The following EHBP1 variants were observed in gnomAD, a reference collection of about 807,000 sequenced individuals.
EHBP1 encodes the protein EH domain-binding protein 1.
Under a neutral mutation model 144.0 loss-of-function variants are expected in EHBP1, and 55 were observed. The ratio of observed to expected loss-of-function variants is 0.38; its 90% CI spans 0.31 to 0.48. The LOEUF is 0.48. EHBP1 is among the 20% of genes least tolerant of loss of function. The pLI, the probability that EHBP1 is intolerant of heterozygous loss-of-function variation, is 0.98. For synonymous variants in EHBP1, 469 were observed against 472.7 expected (o/e 0.99, Z 0.10); for missense variants, 1,200 against 1,364.2 (o/e 0.88, Z 1.90).
At chr2:62,955,865 G>C (rs1219606019) in intron 14 of EHBP1, 1 of 419,498 alleles carries the variant, frequency 2.4e-6, no homozygotes, top group Non-Finnish European at 4.1e-6. Context: ...TTAGTGATGA[G>C]GAAAAGTAAG....
chr2:62,686,885 C>G (rs761702475), intron 1 of EHBP1, among the ~76,000 whole-genome samples: 7 of 152,188 alleles, frequency 4.6e-5, no homozygotes, highest in Non-Finnish European at 1.0e-4. Flanking sequence ...TTGTCAAGCA[C>G]TTACTATGTA....
intron 3 of EHBP1, among the ~76,000 whole-genome samples, chr2:62,758,494 C>CT (rs2040492368): frequency 6.6e-6 from 1 of 152,058 alleles, no homozygotes; most frequent in African/African-American, 2.4e-5. Context: ...TAAGTCATGG[C>CT]TTTTATAACA....
chr2:62,711,756 G>T (rs925254989), intron 2 of EHBP1, among the ~76,000 whole-genome samples: 3 of 152,122 alleles, frequency 2.0e-5, no homozygotes, highest in African/African-American at 7.2e-5. Flanking sequence ...TGTTTTCTAA[G>T]AAACCAACTG....
At chr2:63,014,300 A>G (rs888460926) in intron 19 of EHBP1, among the ~76,000 whole-genome samples, 2 of 152,172 alleles carry the variant, frequency 1.3e-5, no homozygotes, top group Admixed American at 1.3e-4. Flanking sequence ...TAGCTGTATT[A>G]AATGCTTAAA....
chr2:62,983,727 A>G (rs1429816867), intron 15 of EHBP1, among the ~76,000 whole-genome samples: 1 of 152,120 alleles, frequency 6.6e-6, no homozygotes, highest in African/African-American at 2.4e-5. Context: ...TTTTTAGTAG[A>G]TACGGGGTTT....
At chr2:62,911,650 C>A (rs1425877348) in intron 10 of EHBP1, among the ~76,000 whole-genome samples, 1 of 152,014 alleles carries the variant, frequency 6.6e-6, no homozygotes, top group East Asian at 1.9e-4. Context: ...TTCATAGAGA[C>A]AGGGTTTCTT....
rs1379059125 is a variant in EHBP1 at position 62,707,018 on chromosome 2, A to G, written c.-174A>G. The G allele has an allele frequency of 8.6e-6, 5 of 578,074 alleles. No homozygotes were observed. In the Admixed American group the frequency reaches 1.4e-4, roughly 17 times the overall value. 35.8% of individuals were successfully genotyped at this position (578,074 alleles called of 1,614,324 possible). On this transcript the variant is annotated 5_prime_UTR_variant, in exon 2 of 23. It removes an upstream start codon present in the reference 5' UTR. Transcript: ENST00000431489. ...TTCTTGACTGGGCCATTCATCTAAG[A>G]TGGGATTTACCCTGTGAAACAGGGA...
At chr2:62,687,485 T>C (rs558571753) in intron 1 of EHBP1, among the ~76,000 whole-genome samples, 1 of 152,292 alleles carries the variant, frequency 6.6e-6, no homozygotes, top group South Asian at 2.1e-4. Flanking sequence ...TATAGGTGGG[T>C]CGTAATAGAT....
intron 21 of EHBP1, among the ~76,000 whole-genome samples, chr2:63,040,920 A>C (rs1039510718): frequency 3.9e-5 from 6 of 152,254 alleles, no homozygotes; most frequent in African/African-American, 1.4e-4. Flanking sequence ...AACACACCAC[A>C]GAAAAAAACA....
At chr2:62,884,775 C>T (rs1286150038) in intron 10 of EHBP1, among the ~76,000 whole-genome samples, 3 of 152,122 alleles carry the variant, frequency 2.0e-5, no homozygotes, top group Non-Finnish European at 4.4e-5. Flanking sequence ...GCCTGTATAT[C>T]TAAGTAGTTC....
At chr2:62,756,210 T>C (rs2040265016) in intron 3 of EHBP1, among the ~76,000 whole-genome samples, 1 of 152,216 alleles carries the variant, frequency 6.6e-6, no homozygotes, top group African/African-American at 2.4e-5. Context: ...AAATAATTTC[T>C]CTGTGAGGTC....
In EHBP1 at chr2:62,993,661, T is replaced by C; in HGVS notation, c.2865T>C (p.Asn955=). 1 of 1,588,768 alleles carries C rather than the reference T, an allele frequency of 6.3e-7. No homozygotes were observed. Among genetic ancestry groups the C allele is most frequent in the Non-Finnish European group, 8.6e-7 (1 of 1,165,710 alleles). The change falls in exon 17 of 23, where the codon AAT becomes AAC. Residue 955 remains asparagine, a synonymous_variant. Transcript: ENST00000431489. ...AGTCTTTCAGCCAATATATTGAGAATAGACCAGGTAGAACACTTTTTAAAA... is the reference window on the plus strand; with the variant it reads ...AGTCTTTCAGCCAATATATTGAGAACAGACCAGGTAGAACACTTTTTAAAA... ...QLQSFSQYIE[N]RPEMKRQRSI... is the part of the protein sequence containing the mutation.
At chr2:62,763,303 T>TTC (rs1558629611) in intron 3 of EHBP1, among the ~76,000 whole-genome samples, 1 of 152,148 alleles carries the variant, frequency 6.6e-6, no homozygotes, top group East Asian at 1.9e-4. Context: ...CTCTTCCTAC[T>TTC]GTATTGTAAA....
At chr2:62,839,707 G>C (rs1031546519) in intron 7 of EHBP1, among the ~76,000 whole-genome samples, 2 of 152,030 alleles carry the variant, frequency 1.3e-5, no homozygotes, top group Non-Finnish European at 2.9e-5. Flanking sequence ...AACAGACAGA[G>C]AGCCAAATCA....
intron 10 of EHBP1, among the ~76,000 whole-genome samples, chr2:62,890,620 A>G (rs747258727): frequency 2.6e-5 from 4 of 152,196 alleles, no homozygotes; most frequent in Non-Finnish European, 5.9e-5. Context: ...GTTATTTATT[A>G]GCTAAAGAAA....
intron 19 of EHBP1, among the ~76,000 whole-genome samples, chr2:62,999,995 C>T (rs1387402899): frequency 6.6e-6 from 1 of 152,110 alleles, no homozygotes; most frequent in African/African-American, 2.4e-5. Context: ...CTAAATAATA[C>T]TAATAGTTAT....
chr2:62,995,116 C>A (rs998939006), intron 18 of EHBP1, among the ~76,000 whole-genome samples: 1 of 152,032 alleles, frequency 6.6e-6, no homozygotes, highest in Non-Finnish European at 1.5e-5. Context: ...TGCTATCTGG[C>A]AGATAGGTTC....
intron 10 of EHBP1, among the ~76,000 whole-genome samples, chr2:62,934,712 G>A (rs1209868152): frequency 1.3e-5 from 2 of 152,160 alleles, no homozygotes; most frequent in Non-Finnish European, 2.9e-5. Context: ...GCTTGGTTAC[G>A]TGAATCACAC....
intron 2 of EHBP1, among the ~76,000 whole-genome samples, chr2:62,746,655 G>GT (rs1315889892): frequency 6.6e-6 from 1 of 151,960 alleles, no homozygotes; most frequent in African/African-American, 2.4e-5. Flanking sequence ...AGTAATTGCG[G>GT]TTTTAGTCGT....
Sources: gnomAD v4.1 joint callset for allele counts (sites outside exome capture counted in the v4.1 genomes callset) on GRCh38, gnomAD v4.1.1 for gene constraint, MANE v1.5 for transcripts, NCBI Gene and HGNC (gene_info 2026-07-23, HGNC 2026-07-21) for gene names.